The following TMEM232 variants were observed in gnomAD, a reference collection of about 807,000 sequenced individuals.
TMEM232 encodes transmembrane protein 232.
In TMEM232, 80 loss-of-function variants were observed where a neutral mutation model predicts 78.8. The ratio of observed to expected loss-of-function variants is 1.01; its 90% CI spans 0.85 to 1.22. TMEM232 has a LOEUF of 1.22. TMEM232 is among the 50% of genes most tolerant of loss of function. The probability of loss-of-function intolerance (pLI) is 0.00; values close to 1 mark genes in which losing one functional copy is unlikely to be tolerated. For synonymous variants in TMEM232, 297 were observed against 254.3 expected, an observed-to-expected ratio of 1.17 and a Z score of -1.60; for missense variants, 881 against 742.2, an observed-to-expected ratio of 1.19 and a Z score of -2.17.
chr5:110,534,350 T>A (rs1228927840), intron 11 of TMEM232, among the ~76,000 whole-genome samples: 1 of 152,188 alleles, frequency 6.6e-6, no homozygotes, highest in East Asian at 1.9e-4. Flanking sequence ...AACAGACTAA[T>A]AGTCTTTCAA....
intron 10 of TMEM232, among the ~76,000 whole-genome samples, chr5:110,581,802 A>G (rs1399997634): frequency 6.6e-6 from 1 of 151,982 alleles, no homozygotes; most frequent in East Asian, 1.9e-4. Flanking sequence ...AACTTAAACA[A>G]ATTAAAAAGG....
intron 10 of TMEM232, among the ~76,000 whole-genome samples, chr5:110,602,323 G>C (rs1781014536): frequency 6.6e-6 from 1 of 152,094 alleles, no homozygotes; most frequent in African/African-American, 2.4e-5. Flanking sequence ...AAGAGCTTCT[G>C]CACGGCAAAA....
chr5:110,457,274 A>G (rs952043929), intron 12 of TMEM232, among the ~76,000 whole-genome samples: 6 of 152,128 alleles, frequency 3.9e-5, no homozygotes, highest in African/African-American at 1.4e-4. Context: ...TTTGTTCTAC[A>G]TAATTAGTCA....
At chr5:110,680,262 G>A (rs1792554260) in intron 1 of TMEM232, among the ~76,000 whole-genome samples, 1 of 151,932 alleles carries the variant, frequency 6.6e-6, no homozygotes, top group African/African-American at 2.4e-5. Flanking sequence ...GCTGGGTGTG[G>A]TGGCACATGC....
intron 5 of TMEM232, chr5:110,387,741 G>T (rs1282896011): frequency 6.6e-6 from 1 of 152,032 alleles, no homozygotes; most frequent in African/African-American, 2.4e-5. Flanking sequence ...AAAAAAAATT[G>T]TACAGCATAC....
intron 7 of TMEM232, among the ~76,000 whole-genome samples, chr5:110,624,312 C>G (rs139772731): frequency 3.5e-4 from 53 of 151,066 alleles, no homozygotes; most frequent in Non-Finnish European, 3.3e-4. Flanking sequence ...GTTTTTTTTT[C>G]TGCAATCTTT....
At chr5:110,447,486 T>G (rs999515460) in intron 12 of TMEM232, among the ~76,000 whole-genome samples, 1 of 152,076 alleles carries the variant, frequency 6.6e-6, no homozygotes, top group South Asian at 2.1e-4. Context: ...CAGTCCTATA[T>G]AGAGATCTTT....
intron 12 of TMEM232, among the ~76,000 whole-genome samples, chr5:110,522,332 G>C (rs976812568): frequency 1.3e-5 from 2 of 152,008 alleles, no homozygotes; most frequent in Non-Finnish European, 2.9e-5. Flanking sequence ...GAGTCTCTAG[G>C]GTTACATATA....
In TMEM232 at chr5:110,625,302, C is replaced by T; in HGVS notation, c.733G>A (p.Asp245Asn). 1 of 1,543,578 alleles carries T rather than the reference C, an allele frequency of 6.5e-7. No individual in the cohort carries two copies. The highest frequency in any genetic ancestry group is 8.7e-7 in the Non-Finnish European group (1 of 1,143,312). Reference protein sequence around the residue: ...RSESIFRPVEDKKRYENTDSD... With the variant: ...RSESIFRPVENKKRYENTDSD... ...TCTGTGTTCTCATATCTTTTCTTAT[C>T]TTCCACAGGTCTAAAAATGGATTCA... The change falls in exon 7 of 14, where the codon GAT becomes AAT. Residue 245 changes from aspartate to asparagine, a missense_variant. Asp to Asn is a conservative substitution (Grantham distance 23, BLOSUM62 1). Transcript: ENST00000455884.
intron 2 of TMEM232, among the ~76,000 whole-genome samples, chr5:110,663,598 C>T (rs1436482794): frequency 6.6e-6 from 1 of 151,322 alleles, no homozygotes; most frequent in African/African-American, 2.4e-5. Flanking sequence ...AGCGATATAC[C>T]ATGTTTCTAA....
At chr5:110,411,364 T>C (rs1373748372) in intron 2 of TMEM232, among the ~76,000 whole-genome samples, 1 of 152,210 alleles carries the variant, frequency 6.6e-6, no homozygotes, top group Non-Finnish European at 1.5e-5. Context: ...TCTTCATTTT[T>C]TCCATCAATA....
At chr5:110,431,426 A>G (rs961751728) in intron 12 of TMEM232, among the ~76,000 whole-genome samples, 6 of 151,696 alleles carry the variant, frequency 4.0e-5, no homozygotes, top group African/African-American at 1.5e-4. Flanking sequence ...TACTGGTTAG[A>G]TGAAAATGCT....
intron 1 of TMEM232, among the ~76,000 whole-genome samples, chr5:110,686,694 T>A (rs1456472703): frequency 1.3e-5 from 2 of 152,092 alleles, no homozygotes; most frequent in East Asian, 3.9e-4. Context: ...TAAGAGAAAA[T>A]ACTGTATTTG....
Position 110,711,681 on chromosome 5 carries a change from G to A in TMEM232, c.-13+14946C>T, listed in dbSNP as rs441948. Among the ~76,000 whole-genome samples the A allele has an allele frequency of 7.2e-5, 11 of 152,148 alleles. No homozygotes were observed. In the East Asian group the frequency reaches 7.7e-4, roughly 11 times the overall value. On this transcript the variant is annotated intron_variant, in intron 1 of 13. Coordinates refer to ENST00000455884, the MANE Select transcript of TMEM232 (RefSeq NM_001039763.4). ...ACACAGGTGCCAAGAATATACACTG[G>A]GTAAAAGACAGTCTCTTCAATAAGT...
At chr5:110,642,181 A>G (rs2150021201) in intron 3 of TMEM232, 79 bp downstream of exon 3, 1 of 809,302 alleles carries the variant, frequency 1.2e-6, no homozygotes, top group Non-Finnish European at 1.8e-6. Flanking sequence ...ATTTTTTCTT[A>G]AAATATTTTA....
rs1176368382 is a variant in TMEM232, at chr5:110,479,721, G to GTTATTCTC, written c.1703+48866_1703+48867insGAGAATAA. Among the ~76,000 whole-genome samples the GTTATTCTC allele has an allele frequency of 2.6e-5, 4 of 151,508 alleles. No homozygotes were observed. In the East Asian group the frequency reaches 7.8e-4, roughly 29 times the overall value. Reference sequence around the variant, plus strand: ...TTTACTTAATAGTCTCTGTTTTGTGGTGGTTATTCATTAAATGCATCATTT... The same window carrying GTTATTCTC: ...TTTACTTAATAGTCTCTGTTTTGTGGTTATTCTCTGGTTATTCATTAAATGCATCATTT... On this transcript the variant is annotated intron_variant, in intron 12 of 13. Coordinates refer to ENST00000455884, the MANE Select transcript of TMEM232 (RefSeq NM_001039763.4).
At chr5:110,518,049 A>G (rs1173796237) in intron 12 of TMEM232, among the ~76,000 whole-genome samples, 2 of 150,404 alleles carry the variant, frequency 1.3e-5, no homozygotes, top group African/African-American at 4.9e-5. Flanking sequence ...TCCTTTTGTT[A>G]TCTTTCAACT....
At chr5:110,415,297 C>A (rs916457933), downstream of TMEM232, among the ~76,000 whole-genome samples, 1 of 151,828 alleles carries the variant, frequency 6.6e-6, no homozygotes, top group Non-Finnish European at 1.5e-5. Flanking sequence ...ACGCCATTCT[C>A]CCGCCTCAGC....
At chr5:110,627,272 C>A (rs572633061) in intron 6 of TMEM232, among the ~76,000 whole-genome samples, 1 of 151,992 alleles carries the variant, frequency 6.6e-6, no homozygotes, top group Non-Finnish European at 1.5e-5. Context: ...ATTTAACTTT[C>A]CTGAAATTCA....
Sources: allele counts gnomAD v4.1 joint callset (sites outside exome capture counted in the v4.1 genomes callset), GRCh38; gene constraint gnomAD v4.1.1; transcripts MANE v1.5; gene names NCBI Gene and HGNC (gene_info 2026-07-23, HGNC 2026-07-21).